Variants in EBF1 observed in about 807,000 individuals in gnomAD.
EBF1 encodes the protein EBF transcription factor 1.
In EBF1, 10 loss-of-function variants were observed where a neutral mutation model predicts 68.4. The ratio of observed to expected loss-of-function variants is 0.15; its 90% CI spans 0.09 to 0.25. The LOEUF (loss-of-function observed/expected upper bound fraction) is 0.25, where lower values mean the gene tolerates loss of function less well. Ranked by LOEUF, EBF1 falls within the 10% of genes least tolerant of loss-of-function variation. EBF1 has a pLI of 1.00. For missense variants in EBF1, 509 were observed against 794.4 expected (o/e 0.64, Z 4.32); for synonymous variants, 298 against 299.8 (o/e 0.99, Z 0.06).
At chr5:158,768,903 G>A (rs746929555) in intron 10 of EBF1, among the ~76,000 whole-genome samples, 2 of 152,076 alleles carry the variant, frequency 1.3e-5, no homozygotes, top group Non-Finnish European at 2.9e-5. Flanking sequence ...TAGTTTATTG[G>A]CTTTGAAAAC....
At chr5:158,860,368 G>A (rs1246040761) in intron 6 of EBF1, among the ~76,000 whole-genome samples, 2 of 152,132 alleles carry the variant, frequency 1.3e-5, no homozygotes, top group Non-Finnish European at 2.9e-5. Context: ...TCTTGTTCAC[G>A]ACACTATTTG....
rs558017671 is a variant in EBF1 at position 158,821,465 on chromosome 5, T to A, written c.778+1711A>T. On this transcript the variant is annotated intron_variant, in intron 8 of 15. Transcript: ENST00000313708. ...CCCAAGAGCAGAAATAGGAGCTGGG[T>A]GTGGCCTGAGCATATTTTGAAAGTG... is the stretch of plus-strand genomic sequence containing the variant. Among the ~76,000 whole-genome samples the A allele has an allele frequency of 2.0e-5, 3 of 152,282 alleles. No individual in the cohort carries two copies. The East Asian group carries it at 5.8e-4, about 29-fold the overall frequency.
chr5:158,938,154 A>T (rs578063894), intron 6 of EBF1, among the ~76,000 whole-genome samples: 75 of 152,356 alleles, frequency 4.9e-4, no homozygotes, highest in African/African-American at 1.8e-3. Flanking sequence ...AATTCAAAAG[A>T]AACTCATTAT....
chr5:158,786,330 AG>A (rs1777439578), intron 9 of EBF1, among the ~76,000 whole-genome samples: 2 of 152,212 alleles, frequency 1.3e-5, no homozygotes, highest in South Asian at 4.1e-4. Flanking sequence ...TCAAAATAAC[AG>A]ATTTGGGAGA....
At chr5:158,702,885 CATG>C (rs1442573198) in intron 15 of EBF1, among the ~76,000 whole-genome samples, 4 of 151,366 alleles carry the variant, frequency 2.6e-5, no homozygotes, top group Non-Finnish European at 5.9e-5. Flanking sequence ...TCCTGGGCTG[CATG>C]ATATCTAGGG....
intron 6 of EBF1, among the ~76,000 whole-genome samples, chr5:158,892,081 C>T: frequency 6.6e-6 from 1 of 151,448 alleles, no homozygotes; most frequent in East Asian, 1.9e-4. Context: ...TTCCTATATG[C>T]ACACACACAC....
intron 6 of EBF1, among the ~76,000 whole-genome samples, chr5:158,936,487 C>G (rs1256222551): frequency 6.6e-6 from 1 of 152,180 alleles, no homozygotes; most frequent in Non-Finnish European, 1.5e-5. Context: ...GTGCTTAGCA[C>G]ATTGCCTGGC....
At chr5:158,987,266 C>G (rs1759276541) in intron 6 of EBF1, 1 of 152,208 alleles carries the variant, frequency 6.6e-6, no homozygotes, top group Non-Finnish European at 1.5e-5. Flanking sequence ...TCTCCTACAG[C>G]CACTACTGGG....
At chr5:159,081,847 A>G (rs1226164924) in intron 5 of EBF1, among the ~76,000 whole-genome samples, 1 of 152,224 alleles carries the variant, frequency 6.6e-6, no homozygotes, top group Non-Finnish European at 1.5e-5. Flanking sequence ...GTGGGGCCGT[A>G]TTATTTTAAG....
In EBF1 at chr5:158,798,610, G is replaced by A. The variant is rs562029539; in HGVS notation, c.779-2135C>T. ...CCCTCTTTTTTCCCACTTGTTATACGTAGGATACAGAAGTCACGTGGGTGT... is the reference window on the plus strand; with the variant it reads ...CCCTCTTTTTTCCCACTTGTTATACATAGGATACAGAAGTCACGTGGGTGT... On this transcript the variant is annotated intron_variant, in intron 8 of 15. Transcript: ENST00000313708. Among the ~76,000 whole-genome samples the A allele has an allele frequency of 5.9e-5, 9 of 152,186 alleles. No homozygotes were observed. The South Asian group carries it at 6.2e-4, about 11-fold the overall frequency.
At chr5:158,842,368 G>A (rs1366271138) in intron 6 of EBF1, among the ~76,000 whole-genome samples, 1 of 152,160 alleles carries the variant, frequency 6.6e-6, no homozygotes, top group Non-Finnish European at 1.5e-5. Flanking sequence ...ATGAAAACTG[G>A]CTGCTGCTTT....
intron 6 of EBF1, among the ~76,000 whole-genome samples, chr5:158,860,426 C>T (rs572114700): frequency 2.3e-4 from 35 of 152,276 alleles, no homozygotes; most frequent in East Asian, 5.8e-4. Flanking sequence ...GTGTGAAGAA[C>T]GCCTACTCAC....
intron 6 of EBF1, among the ~76,000 whole-genome samples, chr5:158,852,168 C>T (rs1210147051): frequency 1.7e-5 from 2 of 115,822 alleles, no homozygotes; most frequent in Non-Finnish European, 3.9e-5. Flanking sequence ...CACTTTTCAA[C>T]CAAAAAAAAA....
At position 158,964,570 on chromosome 5, in the gene EBF1, G is replaced by A. The variant is rs114451374; in HGVS notation, c.554+108826C>T. ...AGGACCCACAGGTATGGAGAAGCTC[G>A]AATTGATAATGACAGTCTGTTAGGG... On this transcript the variant is annotated intron_variant, in intron 6 of 15. Transcript: ENST00000313708. 3.6e-3 allele frequency among the ~76,000 whole-genome samples: 553 copies of A among 152,250 alleles called. 3 individuals carry two copies. The highest frequency in any genetic ancestry group is 0.012 in the African/African-American group (511 of 41,532).
chr5:159,084,433 CA>C (rs1187674274), intron 5 of EBF1, among the ~76,000 whole-genome samples: 4 of 152,024 alleles, frequency 2.6e-5, no homozygotes, highest in Non-Finnish European at 5.9e-5. Flanking sequence ...AGTGTGATAT[CA>C]AAATGGAAAT....
intron 6 of EBF1, among the ~76,000 whole-genome samples, chr5:158,898,585 G>C (rs774589683): frequency 2.4e-4 from 36 of 152,308 alleles, no homozygotes; most frequent in Non-Finnish European, 4.3e-4. Flanking sequence ...GAGAAATATA[G>C]AAAACAATTG....
chr5:159,092,806 A>G (rs1781895227), intron 4 of EBF1, among the ~76,000 whole-genome samples: 1 of 152,186 alleles, frequency 6.6e-6, no homozygotes, highest in Non-Finnish European at 1.5e-5. Flanking sequence ...ACAATTGATG[A>G]TGTTATCAGA....
chr5:158,925,837 T>A (rs986991463), intron 6 of EBF1, among the ~76,000 whole-genome samples: 3 of 152,176 alleles, frequency 2.0e-5, no homozygotes, highest in Non-Finnish European at 4.4e-5. Flanking sequence ...AATTAATATA[T>A]CAACTGTTTT....
At position 158,699,037 on chromosome 5, in the gene EBF1, T is replaced by G; in HGVS notation, c.*74A>C. The G allele has an allele frequency of 5.6e-6, 8 of 1,416,058 alleles. No individual in the cohort carries two copies. Among genetic ancestry groups the G allele is most frequent in the East Asian group, 4.9e-5 (2 of 41,024 alleles). The allele number at this position is 1,416,058 out of a possible 1,614,324, so 87.7% of individuals were successfully genotyped here. On this transcript the variant is annotated 3_prime_UTR_variant, in exon 16 of 16. Coordinates refer to ENST00000313708, the MANE Select transcript of EBF1 (RefSeq NM_024007.5). ...AAGGCCTGAGTTAAAAGTTCCACTC[T>G]GGGACTTGTATCAGATTACTCTCTG...
Sources: gnomAD v4.1 joint callset for allele counts (sites outside exome capture counted in the v4.1 genomes callset) on GRCh38, gnomAD v4.1.1 for gene constraint, MANE v1.5 for transcripts, NCBI Gene and HGNC (gene_info 2026-07-23, HGNC 2026-07-21) for gene names.